The following DLG2 variants were observed in gnomAD, a reference collection of about 807,000 sequenced individuals.
DLG2 encodes discs large MAGUK scaffold protein 2.
A neutral mutation model predicts 132.5 loss-of-function variants in DLG2; 45 were observed. That is an observed-to-expected ratio of 0.34 (90% CI 0.27 to 0.44). The LOEUF (loss-of-function observed/expected upper bound fraction) is 0.44. Among genes scored for constraint, DLG2 ranks in the 20% least tolerant of loss-of-function variants. DLG2 has a pLI of 1.00. For synonymous variants in DLG2, 424 were observed against 419.6 expected (o/e 1.01, Z -0.13); for missense variants, 1,045 against 1,196.9 (o/e 0.87, Z 1.87).
chr11:84,651,073 T>C (rs1400241826), intron 6 of DLG2, among the ~76,000 whole-genome samples: 1 of 151,840 alleles, frequency 6.6e-6, no homozygotes, highest in Non-Finnish European at 1.5e-5. Context: ...ACTTGACCTT[T>C]CTGAGCTATT....
chr11:83,696,914 A>G (rs1310613320), intron 18 of DLG2, among the ~76,000 whole-genome samples: 1 of 152,218 alleles, frequency 6.6e-6, no homozygotes. Flanking sequence ...TCCATTTTTA[A>G]TTTTCGCCAT....
chr11:83,843,003 G>A (rs1384799480), intron 16 of DLG2, among the ~76,000 whole-genome samples: 1 of 151,998 alleles, frequency 6.6e-6, no homozygotes, highest in East Asian at 1.9e-4. Context: ...TGTTTTCATT[G>A]ATCTTTCTAA....
At chr11:83,825,167 ATATATTTTTTTTTT>A (rs1247862970) in intron 17 of DLG2, among the ~76,000 whole-genome samples, 29 of 90,738 alleles carry the variant, frequency 3.2e-4, no homozygotes, top group African/African-American at 8.5e-4. Context: ...ATATATATAT[ATATATTTTTTTTTT>A]TTTTTTTTTT....
chr11:83,582,295 C>A (rs1469075563), intron 19 of DLG2, among the ~76,000 whole-genome samples: 1 of 152,114 alleles, frequency 6.6e-6, no homozygotes, highest in Non-Finnish European at 1.5e-5. Flanking sequence ...GGAATTACTG[C>A]CCCTGGTAAT....
intron 21 of DLG2, among the ~76,000 whole-genome samples, chr11:83,486,876 C>G (rs2093548536): frequency 6.6e-6 from 1 of 152,066 alleles, no homozygotes; most frequent in Non-Finnish European, 1.5e-5. Context: ...CTAAACATTT[C>G]AACTATAAGA....
intron 3 of DLG2, chr11:85,452,879 C>T (rs1168059094): frequency 5.2e-6 from 1 of 193,552 alleles, no homozygotes. Context: ...GAACAATCTG[C>T]CTATCACATT....
At chr11:85,046,797 A>AC (rs778636703) in intron 6 of DLG2, among the ~76,000 whole-genome samples, 1 of 151,620 alleles carries the variant, frequency 6.6e-6, no homozygotes, top group Non-Finnish European at 1.5e-5. Flanking sequence ...TGCATTTCAA[A>AC]CCCCTTTGAA....
intron 3 of DLG2, among the ~76,000 whole-genome samples, chr11:85,549,369 C>G (rs2076527837): frequency 6.6e-6 from 1 of 152,178 alleles, no homozygotes; most frequent in East Asian, 1.9e-4. Flanking sequence ...ATGCAGAAAT[C>G]ACCCGCCTTC....
intron 7 of DLG2, among the ~76,000 whole-genome samples, chr11:84,345,408 C>T (rs2098535050): frequency 6.6e-6 from 1 of 152,114 alleles, no homozygotes; most frequent in African/African-American, 2.4e-5. Context: ...GATATTTAAG[C>T]TTTTTAGGAT....
In DLG2 at chr11:84,667,277, C is replaced by T. The variant is rs116368708; in HGVS notation, c.358-132546G>A. Reference sequence around the variant, plus strand: ...TTCCACACAGTGAAGAAAGCTAATGCATGTCTTGTGAGAGACAAAATACCA... The same window carrying T: ...TTCCACACAGTGAAGAAAGCTAATGTATGTCTTGTGAGAGACAAAATACCA... On this transcript the variant is annotated intron_variant, in intron 6 of 27. Transcript: ENST00000376104. Among the ~76,000 whole-genome samples the T allele has an allele frequency of 1.4e-3, 212 of 152,144 alleles. 1 individual carries two copies. Among genetic ancestry groups the T allele is most frequent in the African/African-American group, 4.6e-3 (190 of 41,548 alleles).
At chr11:83,526,290 C>T (rs963284067) in intron 21 of DLG2, among the ~76,000 whole-genome samples, 1 of 152,158 alleles carries the variant, frequency 6.6e-6, no homozygotes, top group African/African-American at 2.4e-5. Flanking sequence ...CTTTTGAGTT[C>T]AGGTTTTCAG....
chr11:85,369,525 T>G (rs2084815000), intron 3 of DLG2, among the ~76,000 whole-genome samples: 1 of 152,154 alleles, frequency 6.6e-6, no homozygotes, highest in South Asian at 2.1e-4. Context: ...ACTATCACTG[T>G]TTGTACTCTC....
intron 7 of DLG2, chr11:84,317,422 G>T (rs2098372198): frequency 1.6e-6 from 2 of 1,217,474 alleles, no homozygotes; most frequent in Non-Finnish European, 1.1e-6. Flanking sequence ...AGCAATCAAT[G>T]CTCCACACAG....
At chr11:83,876,086 T>C (rs1302370452) in intron 15 of DLG2, among the ~76,000 whole-genome samples, 2 of 152,188 alleles carry the variant, frequency 1.3e-5, no homozygotes, top group African/African-American at 4.8e-5. Context: ...ACTGCCTGGC[T>C]CAACCACATA....
At chr11:85,127,222 C>A (rs2075218838) in intron 5 of DLG2, among the ~76,000 whole-genome samples, 1 of 150,132 alleles carries the variant, frequency 6.7e-6, no homozygotes, top group Non-Finnish European at 1.5e-5. Flanking sequence ...ATGTGCAATT[C>A]ATTCTCTCTC....
At chr11:83,730,372 T>A (rs888045743) in intron 18 of DLG2, among the ~76,000 whole-genome samples, 1 of 152,166 alleles carries the variant, frequency 6.6e-6, no homozygotes, top group Non-Finnish European at 1.5e-5. Context: ...TTTAAGAACA[T>A]ATACTTAAGC....
rs563229751 is a variant in DLG2 at position 85,055,028 on chromosome 11, A to C, written c.357+56633T>G. Among the ~76,000 whole-genome samples, 11 of 152,336 alleles carry C rather than the reference A, an allele frequency of 7.2e-5. No homozygotes were observed. The South Asian group carries it at 2.1e-3, about 29-fold the overall frequency. ...GAATCTAAAATAAAAGATTAAAAATAAAAACAATCTAAATTTGGCAGCACA... is the reference window on the plus strand; with the variant it reads ...GAATCTAAAATAAAAGATTAAAAATCAAAACAATCTAAATTTGGCAGCACA... On this transcript the variant is annotated intron_variant, in intron 6 of 27. Coordinates refer to ENST00000376104, the MANE Select transcript of DLG2 (RefSeq NM_001142699.3).
rs143761061 is a variant in DLG2 at position 83,898,975 on chromosome 11, T to C, written c.1497-24487A>G. On this transcript the variant is annotated intron_variant, in intron 15 of 27. Transcript: ENST00000376104. ...ATAAATATATGAGAGATTATTTCTG[T>C]TCTGATAGGTGAGGATTAAACAGCA... Among the ~76,000 whole-genome samples the C allele has an allele frequency of 3.5e-3, 532 of 152,318 alleles. 1 individual carries two copies. Among genetic ancestry groups the C allele is most frequent in the Non-Finnish European group, 6.0e-3 (409 of 68,018 alleles).
intron 7 of DLG2, among the ~76,000 whole-genome samples, chr11:84,414,012 A>C (rs1435859737): frequency 6.6e-6 from 1 of 152,138 alleles, no homozygotes; most frequent in Non-Finnish European, 1.5e-5. Flanking sequence ...CAATTCGACA[A>C]AACACCCATC....
Sources: allele counts gnomAD v4.1 joint callset (sites outside exome capture counted in the v4.1 genomes callset), GRCh38; gene constraint gnomAD v4.1.1; transcripts MANE v1.5; gene names NCBI Gene and HGNC (gene_info 2026-07-23, HGNC 2026-07-21).